Variants in DENND4A observed in about 807,000 individuals in gnomAD.
The protein encoded by DENND4A is DENN domain containing 4A.
DENND4A carries 70 observed loss-of-function variants against 199.3 expected under a neutral mutation model. That is an observed-to-expected ratio of 0.35 (90% CI 0.29 to 0.43). The LOEUF (loss-of-function observed/expected upper bound fraction) is 0.43, where lower values mean the gene tolerates loss of function less well. DENND4A is among the 20% of genes least tolerant of loss of function. The pLI is 1.00. For synonymous variants in DENND4A, 686 were observed against 766.9 expected (o/e 0.89, Z 1.74); for missense variants, 1,723 against 2,255.8 (o/e 0.76, Z 4.78).
chr15:65,729,706 T>C (rs372295148), intron 9 of DENND4A, 28 bp from the exon 10 acceptor site: 2 of 1,532,930 alleles, frequency 1.3e-6, no homozygotes, highest in Non-Finnish European at 1.8e-6. Context: ...AATATATAAT[T>C]AAAAAATAAT....
intron 9 of DENND4A, among the ~76,000 whole-genome samples, chr15:65,730,234 TTAA>T (rs1297747630): frequency 2.0e-5 from 3 of 152,134 alleles, no homozygotes; most frequent in Non-Finnish European, 4.4e-5. Flanking sequence ...ACAAAGCAAG[TTAA>T]TAATGAAAAC....
At chr15:65,769,290 T>A (rs1216751414) in intron 1 of DENND4A, among the ~76,000 whole-genome samples, 1 of 152,144 alleles carries the variant, frequency 6.6e-6, no homozygotes, top group Non-Finnish European at 1.5e-5. Flanking sequence ...TAAGACCTTA[T>A]ATTTGGTGAG....
At chr15:65,696,799 T>G (rs1044978268) in intron 21 of DENND4A, 2 of 265,118 alleles carry the variant, frequency 7.5e-6, no homozygotes, top group Non-Finnish European at 1.5e-5. Context: ...ATAATCACAA[T>G]CCATTAAACA....
intron 25 of DENND4A, among the ~76,000 whole-genome samples, 176 bp from the exon 26 acceptor site, chr15:65,670,364 A>G (rs982543729): frequency 1.4e-4 from 21 of 152,234 alleles, no homozygotes; most frequent in African/African-American, 5.1e-4. Flanking sequence ...AGCTAAATCC[A>G]TTCCAGAATT....
chr15:65,729,252 G>C lies in DENND4A; in HGVS notation c.1312-5C>G. The C allele has an allele frequency of 6.4e-7, 1 of 1,565,710 alleles. No individual in the cohort carries two copies. The highest frequency in any genetic ancestry group is 8.7e-7 in the Non-Finnish European group (1 of 1,154,570). On this transcript the variant is annotated splice_region_variant and splice_polypyrimidine_tract_variant and intron_variant, in intron 10 of 32. Coordinates refer to ENST00000443035, the MANE Select transcript of DENND4A (RefSeq NM_001320835.1). ...CCAGTGGAAAGGGAAAATCATCTTG[G>C]ATAAACAAAAGATAGGAGAGAATTT...
rs1410371426 is a variant in DENND4A, at chr15:65,706,489, C to T, written c.1954-265G>A. 1.5e-4 allele frequency among the ~76,000 whole-genome samples: 14 copies of T among 92,758 alleles called. 1 individual carries two copies. In the East Asian group the frequency reaches 3.1e-3, roughly 21 times the overall value. The allele number at this position is 92,758 out of a possible 152,430, so 60.9% of individuals were successfully genotyped here. ...ACACACACACACACACACACACACA[C>T]ACACACATATATATATATATTTTTT... On this transcript the variant is annotated intron_variant, in intron 14 of 32. Transcript: ENST00000443035.
chr15:65,675,977 A>G (rs1195101271), intron 24 of DENND4A, among the ~76,000 whole-genome samples: 2 of 151,966 alleles, frequency 1.3e-5, no homozygotes, highest in Non-Finnish European at 2.9e-5. Context: ...CACATGATGT[A>G]TAACTATAAT....
At chr15:65,710,689 T>C (rs2075222101) in intron 14 of DENND4A, among the ~76,000 whole-genome samples, 2 of 152,272 alleles carry the variant, frequency 1.3e-5, no homozygotes, top group African/African-American at 2.4e-5. Flanking sequence ...AGCACTGATA[T>C]GGTTTGGATA....
chr15:65,750,116 T>C (rs2076522544), intron 4 of DENND4A, among the ~76,000 whole-genome samples: 2 of 152,136 alleles, frequency 1.3e-5, no homozygotes, highest in South Asian at 2.1e-4. Context: ...ATCAGAAATA[T>C]AAAGAAATTT....
intron 14 of DENND4A, among the ~76,000 whole-genome samples, chr15:65,709,711 A>ATAT (rs1480797942): frequency 8.6e-6 from 1 of 116,330 alleles, no homozygotes; most frequent in African/African-American, 3.1e-5. Flanking sequence ...AAAAAAAAAA[A>ATAT]AAAAAAAAAT....
Position 65,690,451 on chromosome 15 carries a change from C to A in DENND4A, c.4143G>T (p.Trp1381Cys). 1 of 1,601,752 alleles carries A rather than the reference C, an allele frequency of 6.2e-7. No homozygotes were observed. The highest frequency in any genetic ancestry group is 1.1e-5 in the South Asian group (1 of 88,628). ...TGGTGTACATGGTGAATCTTGAATA[C>A]CATTTGCTTGCTTTCTCTGCAACTC... The part of the protein sequence containing the change: ...GKGVAEKASK[W>C]YSRFTMYTTS... The change falls in exon 23 of 33, where the codon TGG becomes TGT. Residue 1381 changes from tryptophan to cysteine, a missense_variant. By Grantham distance (215) the Trp-to-Cys change is radical. Around this residue, in one of 6 missense-constraint regions of DENND4A, gnomAD observed 650 missense variants for 738.1 expected, o/e 0.88. Transcript: ENST00000443035.
At chr15:65,726,617 T>C (rs184443559) in intron 11 of DENND4A, among the ~76,000 whole-genome samples, 1 of 152,230 alleles carries the variant, frequency 6.6e-6, no homozygotes, top group East Asian at 1.9e-4. Context: ...ACTTTTCTAA[T>C]GGTTTAGGCA....
At chr15:65,762,151 G>A (rs2076868124) in intron 1 of DENND4A, among the ~76,000 whole-genome samples, 1 of 152,054 alleles carries the variant, frequency 6.6e-6, no homozygotes, top group Admixed American at 6.6e-5. Flanking sequence ...GGGATTACAG[G>A]CATGTGCCAC....
chr15:65,742,759 T>C (rs2140490149), intron 4 of DENND4A, among the ~76,000 whole-genome samples: 1 of 152,292 alleles, frequency 6.6e-6, no homozygotes. Context: ...CTTAAGATTA[T>C]TTATCATTAC....
chr15:65,707,234 C>T (rs2075093348), intron 14 of DENND4A, among the ~76,000 whole-genome samples: 1 of 151,862 alleles, frequency 6.6e-6, no homozygotes, highest in African/African-American at 2.4e-5. Flanking sequence ...TAAACTGCCC[C>T]ACAAGAGCTC....
intron 14 of DENND4A, 42 bp downstream of exon 14, chr15:65,715,436 A>C (rs754790289): frequency 6.5e-7 from 1 of 1,542,710 alleles, no homozygotes; most frequent in Admixed American, 2.2e-5. Context: ...TATAACAGTC[A>C]CACAAAATAA....
intron 13 of DENND4A, among the ~76,000 whole-genome samples, chr15:65,717,452 G>T (rs181175943): frequency 3.9e-4 from 59 of 152,130 alleles, no homozygotes; most frequent in African/African-American, 1.3e-3. Flanking sequence ...ACCATCTCAG[G>T]GGTTCCTCTT....
In DENND4A at chr15:65,729,595, T is replaced by G; in HGVS notation, c.1250A>C (p.Lys417Thr). ...TLLVFAVTEH[K>T]ILIHSLRPSV... ...TGGCCGTAGGGAATGGATAAGAATT[T>G]TATGTTCTGTTACTGCAAACACCAG... Residue 417 changes from lysine to threonine, a missense_variant, in exon 10 of 33, where the codon AAA (lysine) becomes ACA (threonine). Transcript: ENST00000443035. 6.3e-7 allele frequency: 1 copy of G among 1,594,718 alleles called. No homozygotes were observed. Among genetic ancestry groups the G allele is most frequent in the Non-Finnish European group, 8.5e-7 (1 of 1,169,794 alleles).
chr15:65,777,525 G>A (rs58889718), intron 1 of DENND4A, among the ~76,000 whole-genome samples: 1 of 151,786 alleles, frequency 6.6e-6, no homozygotes, highest in East Asian at 1.9e-4. Flanking sequence ...GCTAATTTTT[G>A]TATTTTTAGT....
Sources: allele counts gnomAD v4.1 joint callset (sites outside exome capture counted in the v4.1 genomes callset), GRCh38; gene constraint gnomAD v4.1.1; regional missense constraint gnomAD v4.1.1; transcripts MANE v1.5; gene names NCBI Gene and HGNC (gene_info 2026-07-23, HGNC 2026-07-21).